The following FAM13B variants were observed in gnomAD, a reference collection of about 807,000 sequenced individuals.
FAM13B encodes the protein family with sequence similarity 13 member B, also known as protein FAM13B.
In FAM13B, 60 loss-of-function variants were observed where a neutral mutation model predicts 117.3. That is an observed-to-expected ratio of 0.51 (90% CI 0.42 to 0.63). The LOEUF (loss-of-function observed/expected upper bound fraction) is 0.63. FAM13B is among the 30% of genes least tolerant of loss of function. The probability of loss-of-function intolerance (pLI) is 0.00; values close to 1 mark genes in which losing one functional copy is unlikely to be tolerated. For synonymous variants in FAM13B, 332 were observed against 356.1 expected, an observed-to-expected ratio of 0.93 and a Z score of 0.76; for missense variants, 972 against 1,091.9, an observed-to-expected ratio of 0.89 and a Z score of 1.55.
intron 5 of FAM13B, 62 bp downstream of exon 5, chr5:138,011,706 C>A: frequency 8.0e-7 from 1 of 1,254,436 alleles, no homozygotes; most frequent in Non-Finnish European, 1.1e-6. Flanking sequence ...GCATGAGCCA[C>A]CGTGCCCGGC....
chr5:138,004,863 G>A (rs1476489679), intron 7 of FAM13B, among the ~76,000 whole-genome samples: 1 of 152,196 alleles, frequency 6.6e-6, no homozygotes, highest in Non-Finnish European at 1.5e-5. Context: ...GGATGACAGA[G>A]CGAGAGACCC....
At chr5:138,016,843 G>A (rs1785377306) in intron 4 of FAM13B, among the ~76,000 whole-genome samples, 1 of 152,052 alleles carries the variant, frequency 6.6e-6, no homozygotes, top group South Asian at 2.1e-4. Flanking sequence ...GCTAACAGAG[G>A]GAACATGGAA....
At chr5:138,014,604 G>A (rs1784835021) in intron 4 of FAM13B, among the ~76,000 whole-genome samples, 1 of 152,158 alleles carries the variant, frequency 6.6e-6, no homozygotes, top group Non-Finnish European at 1.5e-5. Context: ...GCACTGCCTA[G>A]CACACAGCAG....
intron 1 of FAM13B, among the ~76,000 whole-genome samples, chr5:138,038,266 C>G (rs1180632258): frequency 1.3e-5 from 2 of 152,170 alleles, no homozygotes; most frequent in Non-Finnish European, 2.9e-5. Context: ...ACAGTAAATA[C>G]AAGCACATCT....
At chr5:138,027,765 G>A (rs550827906) in intron 1 of FAM13B, among the ~76,000 whole-genome samples, 2 of 152,306 alleles carry the variant, frequency 1.3e-5, no homozygotes, top group East Asian at 3.9e-4. Flanking sequence ...TAATCCTCAC[G>A]TGTGGAGAGA....
At chr5:137,987,375 T>C (rs1777503014) in intron 9 of FAM13B, 86 bp downstream of exon 9, 23 of 1,199,048 alleles carry the variant, frequency 1.9e-5, no homozygotes, top group Non-Finnish European at 2.6e-5. Flanking sequence ...CCAAGAAAGA[T>C]GAGATCCTGT....
intron 6 of FAM13B, among the ~76,000 whole-genome samples, chr5:138,009,226 G>A (rs920881709): frequency 2.2e-4 from 34 of 152,290 alleles, no homozygotes; most frequent in Non-Finnish European, 4.4e-4. Flanking sequence ...TGTATAATTC[G>A]TTGTGTTTAT....
intron 11 of FAM13B, among the ~76,000 whole-genome samples, chr5:137,962,147 A>C (rs1768305661): frequency 6.6e-6 from 1 of 152,224 alleles, no homozygotes; most frequent in South Asian, 2.1e-4. Context: ...CAATCAACTG[A>C]AAGATTTAAA....
chr5:138,005,298 T>C (rs1782268612), intron 7 of FAM13B, among the ~76,000 whole-genome samples: 1 of 152,194 alleles, frequency 6.6e-6, no homozygotes, highest in Admixed American at 6.5e-5. Context: ...AATCTATTGC[T>C]GTAAGGTCCT....
chr5:138,020,779 C>T (rs749139681), intron 2 of FAM13B: 1 of 202,250 alleles, frequency 4.9e-6, no homozygotes, highest in African/African-American at 2.3e-5. Context: ...CAAGTGTATA[C>T]CCACTGGATC....
intron 10 of FAM13B, among the ~76,000 whole-genome samples, chr5:137,972,957 G>A (rs1310221005): frequency 6.6e-6 from 1 of 151,666 alleles, no homozygotes; most frequent in Admixed American, 6.6e-5. Flanking sequence ...GGAAATAAAA[G>A]AGGATACAAA....
chr5:137,975,069 C>A (rs1385895416), intron 10 of FAM13B, among the ~76,000 whole-genome samples: 1 of 152,186 alleles, frequency 6.6e-6, no homozygotes, highest in East Asian at 1.9e-4. Flanking sequence ...TATATACCCA[C>A]AATGCCTAAA....
intron 6 of FAM13B, among the ~76,000 whole-genome samples, chr5:138,009,444 T>A (rs1783387860): frequency 6.6e-6 from 1 of 151,828 alleles, no homozygotes; most frequent in African/African-American, 2.4e-5. Context: ...GTTGAGAGGA[T>A]GTACTTAATA....
intron 10 of FAM13B, among the ~76,000 whole-genome samples, chr5:137,967,126 C>T (rs957253310): frequency 1.3e-5 from 2 of 150,442 alleles, no homozygotes; most frequent in South Asian, 2.1e-4. Flanking sequence ...AAAAAAAAGA[C>T]GATAAAGTTT....
At chr5:137,954,971 C>A (rs1766093168) in intron 14 of FAM13B, among the ~76,000 whole-genome samples, 2 of 152,010 alleles carry the variant, frequency 1.3e-5, no homozygotes, top group South Asian at 2.1e-4. Flanking sequence ...AGTGGCAAAG[C>A]AAGAAAGGAC....
chr5:138,025,626 T>A (rs1028853469), intron 1 of FAM13B, among the ~76,000 whole-genome samples: 19 of 152,090 alleles, frequency 1.2e-4, no homozygotes, highest in African/African-American at 3.6e-4. Context: ...AAAATACACA[T>A]ACATAGTAGC....
intron 1 of FAM13B, among the ~76,000 whole-genome samples, chr5:138,044,269 A>G (rs1019587409): frequency 3.3e-5 from 5 of 152,100 alleles, no homozygotes; most frequent in Admixed American, 1.3e-4. Context: ...AAAAGATAAT[A>G]GGCCGGGCGC....
At chr5:137,959,784 T>A (rs1375276328) in intron 12 of FAM13B, 21 bp from the exon 13 acceptor site, 2 of 1,610,344 alleles carry the variant, frequency 1.2e-6, no homozygotes, top group African/African-American at 2.7e-5. Context: ...AAATAAAGAA[T>A]ATATTTCACA....
At chr5:138,006,383 G>A (rs1782583597) in intron 7 of FAM13B, among the ~76,000 whole-genome samples, 1 of 152,108 alleles carries the variant, frequency 6.6e-6, no homozygotes, top group African/African-American at 2.4e-5. Context: ...ATGTAAACTG[G>A]GTTACATCCT....
Sources: allele counts gnomAD v4.1 joint callset (sites outside exome capture counted in the v4.1 genomes callset), GRCh38; gene constraint gnomAD v4.1.1; transcripts MANE v1.5; gene names NCBI Gene and HGNC (gene_info 2026-07-23, HGNC 2026-07-21).